Variants in G2E3 observed in about 807,000 individuals in gnomAD.
G2E3 encodes G2/M phase-specific E3 ubiquitin-protein ligase.
A neutral mutation model predicts 92.8 loss-of-function variants in G2E3; 35 were observed. That is an observed-to-expected ratio of 0.38 (90% CI 0.29 to 0.50). G2E3 has a LOEUF of 0.50. Ranked by LOEUF, G2E3 falls within the 20% of genes least tolerant of loss-of-function variation. The pLI, the probability that G2E3 is intolerant of heterozygous loss-of-function variation, is 0.94. For missense variants in G2E3, 554 were observed against 823.8 expected, an observed-to-expected ratio of 0.67 and a Z score of 4.01; for synonymous variants, 242 against 272.4, an observed-to-expected ratio of 0.89 and a Z score of 1.10.
chr14:30,581,225 T>C, intron 2 of G2E3, 109 bp downstream of exon 2: 1 of 686,938 alleles, frequency 1.5e-6, no homozygotes, highest in African/African-American at 1.8e-5. Context: ...TTAGTTTGTA[T>C]GTCCACATAC....
intron 7 of G2E3, 79 bp downstream of exon 7, chr14:30,597,605 G>A (rs1881351867): frequency 2.5e-6 from 2 of 814,750 alleles, no homozygotes; most frequent in South Asian, 1.5e-5. Context: ...GATCACTTAT[G>A]TCTGATTCAG....
chr14:30,588,410 G>A (rs1347738544), intron 3 of G2E3, among the ~76,000 whole-genome samples: 2 of 150,886 alleles, frequency 1.3e-5, no homozygotes, highest in Admixed American at 6.6e-5. Flanking sequence ...TTTTCTTTAC[G>A]ATATACTGGT....
intron 8 of G2E3, among the ~76,000 whole-genome samples, chr14:30,601,207 T>TTG (rs1223552638): frequency 6.6e-6 from 1 of 152,032 alleles, no homozygotes; most frequent in Admixed American, 6.5e-5. Flanking sequence ...CAGCCCACAC[T>TTG]TGTAGTCATG....
At chr14:30,580,584 G>A (rs1880377832) in intron 1 of G2E3, among the ~76,000 whole-genome samples, 1 of 152,278 alleles carries the variant, frequency 6.6e-6, no homozygotes, top group Middle Eastern at 3.4e-3. Flanking sequence ...CCTAAATGAT[G>A]AACAATTCTG....
rs1385746668 is a variant in G2E3 at position 30,619,577 on chromosome 14, A to G, written c.*3043A>G. 1.3e-5 allele frequency: 2 copies of G among 152,162 alleles called. No individual in the cohort carries two copies. Among genetic ancestry groups the G allele is most frequent in the Non-Finnish European group, 2.9e-5 (2 of 67,984 alleles). The allele number at this position is 152,162 out of a possible 1,614,324, so 9.4% of individuals were successfully genotyped here. A position where few individuals can be genotyped will look rare whatever the true frequency, so the allele number is the denominator to read the frequency against. ...ACAAAACATAACCCATTTAATGATGAATTACTTGAATGTATATTATCTGTG... is the reference window on the plus strand; with the variant it reads ...ACAAAACATAACCCATTTAATGATGGATTACTTGAATGTATATTATCTGTG... On this transcript the variant is annotated 3_prime_UTR_variant, in exon 15 of 15. Coordinates refer to ENST00000206595, the MANE Select transcript of G2E3 (RefSeq NM_017769.5).
chr14:30,575,473 A>T (rs1239993994), intron 1 of G2E3, among the ~76,000 whole-genome samples: 1 of 152,204 alleles, frequency 6.6e-6, no homozygotes, highest in Non-Finnish European at 1.5e-5. Context: ...ACACAAGACG[A>T]GGATACTCTC....
At chr14:30,613,292 T>C (rs1263603875) in intron 13 of G2E3, among the ~76,000 whole-genome samples, 1 of 152,202 alleles carries the variant, frequency 6.6e-6, no homozygotes, top group Non-Finnish European at 1.5e-5. Context: ...ATACCAGATA[T>C]CATCTCAAAC....
intron 1 of G2E3, among the ~76,000 whole-genome samples, chr14:30,561,126 A>G (rs888141004): frequency 2.6e-5 from 4 of 152,234 alleles, no homozygotes; most frequent in South Asian, 2.1e-4. Flanking sequence ...CAAATGATAC[A>G]TAAGTCTCCA....
At chr14:30,585,596 TG>T (rs1594482718) in intron 2 of G2E3, among the ~76,000 whole-genome samples, 1 of 151,910 alleles carries the variant, frequency 6.6e-6, no homozygotes, top group African/African-American at 2.4e-5. Context: ...TTTTTTTTTT[TG>T]GTTAGTCTAG....
chr14:30,610,344 A>G (rs1375402180), intron 12 of G2E3, among the ~76,000 whole-genome samples: 1 of 152,214 alleles, frequency 6.6e-6, no homozygotes, highest in Non-Finnish European at 1.5e-5. Flanking sequence ...GGCCGGGCGC[A>G]GTGGGTCACG....
Position 30,593,565 on chromosome 14 carries a change from G to A in G2E3, c.454G>A (p.Glu152Lys). The A allele has an allele frequency of 6.3e-7, 1 of 1,594,844 alleles. No individual in the cohort carries two copies. The highest frequency in any genetic ancestry group is 1.3e-5 in the African/African-American group (1 of 74,620). ...ATGCACCATTTGCTTGGAATTTATT[G>A]AGCCTATTCCAAGTTATAACATATT... ...LPCTICLEFI[E>K]PIPSYNILRS... Residue 152 changes from glutamate (E) to lysine (K), a missense_variant, in exon 6 of 15, where the codon GAG becomes AAG. By Grantham distance (56) the Glu-to-Lys change is moderately conservative. This residue lies in a region of G2E3 where 137 missense variants were observed against 201.3 expected (regional missense o/e 0.68). Coordinates refer to ENST00000206595, the MANE Select transcript of G2E3 (RefSeq NM_017769.5).
chr14:30,609,211 C>G (rs1881974782), intron 12 of G2E3, among the ~76,000 whole-genome samples: 1 of 152,042 alleles, frequency 6.6e-6, no homozygotes, highest in Admixed American at 6.5e-5. Flanking sequence ...TTTAATTCTT[C>G]GTTTTTCTTT....
chr14:30,586,470 G>T (rs1261255577), intron 2 of G2E3, among the ~76,000 whole-genome samples: 1 of 152,136 alleles, frequency 6.6e-6, no homozygotes, highest in Non-Finnish European at 1.5e-5. Context: ...GTCATTTTCA[G>T]TGACGTTACT....
intron 10 of G2E3, among the ~76,000 whole-genome samples, chr14:30,604,822 TAAGA>T (rs1395884724): frequency 6.6e-6 from 1 of 152,224 alleles, no homozygotes; most frequent in Non-Finnish European, 1.5e-5. Flanking sequence ...AAACTACAAT[TAAGA>T]AAGTTAATTA....
intron 1 of G2E3, among the ~76,000 whole-genome samples, chr14:30,575,478 ACT>A (rs1457203954): frequency 6.6e-6 from 1 of 152,060 alleles, no homozygotes; most frequent in Non-Finnish European, 1.5e-5. Context: ...AGACGAGGAT[ACT>A]CTCTCACCAC....
chr14:30,575,417 A>T (rs937920502), intron 1 of G2E3, among the ~76,000 whole-genome samples: 3 of 152,186 alleles, frequency 2.0e-5, no homozygotes, highest in African/African-American at 7.2e-5. Context: ...CACAGCCAAC[A>T]TTATACTGAA....
At chr14:30,565,087 C>T (rs1037476168) in intron 1 of G2E3, among the ~76,000 whole-genome samples, 4 of 152,188 alleles carry the variant, frequency 2.6e-5, no homozygotes, top group African/African-American at 7.2e-5. Flanking sequence ...TACTTTCCCA[C>T]TAGCAATATG....
chr14:30,566,067 A>G (rs1394738996), intron 1 of G2E3, among the ~76,000 whole-genome samples: 1 of 152,126 alleles, frequency 6.6e-6, no homozygotes, highest in Non-Finnish European at 1.5e-5. Flanking sequence ...AAATTAGTTT[A>G]CTATAAAACG....
chr14:30,581,050 G>T lies in G2E3; in HGVS notation c.-4-26G>T. ...AATTTGAGACTTTTACAATTAAGAT[G>T]ACTGTATTAATGTTATTTTTCCTAG... On this transcript the variant is annotated intron_variant, in intron 1 of 14. Transcript: ENST00000206595. The T allele has an allele frequency of 2.4e-6, 3 of 1,253,956 alleles. No homozygotes were observed. In the South Asian group the frequency reaches 3.7e-5, roughly 15 times the overall value. The allele number at this position is 1,253,956 out of a possible 1,614,324, so 77.7% of individuals were successfully genotyped here. A position where few individuals can be genotyped will look rare whatever the true frequency, so the allele number is the denominator to read the frequency against.
Sources: allele counts gnomAD v4.1 joint callset (sites outside exome capture counted in the v4.1 genomes callset), GRCh38; gene constraint gnomAD v4.1.1; regional missense constraint gnomAD v4.1.1; transcripts MANE v1.5; gene names NCBI Gene and HGNC (gene_info 2026-07-23, HGNC 2026-07-21).